Variants in PDE4B observed in about 807,000 individuals in gnomAD.
PDE4B encodes the protein 3',5'-cyclic-AMP phosphodiesterase 4B.
In PDE4B, 20 loss-of-function variants were observed where a neutral mutation model predicts 82.2. The observed-to-expected ratio is 0.24, with a 90% CI of 0.17 to 0.35. PDE4B has a LOEUF of 0.35. Ranked by LOEUF, PDE4B falls within the 10% of genes least tolerant of loss-of-function variation. PDE4B has a pLI of 1.00. For synonymous variants in PDE4B, 320 were observed against 318.9 expected (o/e 1.00, Z -0.04); for missense variants, 655 against 907.2 (o/e 0.72, Z 3.57).
intron 1 of PDE4B, among the ~76,000 whole-genome samples, chr1:65,887,912 G>A (rs1006528111): frequency 3.9e-5 from 6 of 152,146 alleles, no homozygotes; most frequent in Non-Finnish European, 8.8e-5. Context: ...TGTTCACTAA[G>A]TTGATTGTTA....
chr1:66,100,466 G>C (rs1645200402), intron 3 of PDE4B, among the ~76,000 whole-genome samples: 1 of 152,112 alleles, frequency 6.6e-6, no homozygotes, highest in Non-Finnish European at 1.5e-5. Flanking sequence ...ACAATGACTA[G>C]TACATGTAAA....
chr1:66,206,073 G>A (rs1388640111), intron 3 of PDE4B, among the ~76,000 whole-genome samples: 1 of 152,184 alleles, frequency 6.6e-6, no homozygotes, highest in African/African-American at 2.4e-5. Context: ...GAGTGGCGAT[G>A]GAAGTGTGGC....
At chr1:66,042,224 T>C (rs1351085870) in intron 3 of PDE4B, among the ~76,000 whole-genome samples, 1 of 151,832 alleles carries the variant, frequency 6.6e-6, no homozygotes, top group Non-Finnish European at 1.5e-5. Flanking sequence ...GGAAGAAAAG[T>C]GTTTTGATAG....
chr1:65,944,716 G>C (rs1425701053), intron 3 of PDE4B, among the ~76,000 whole-genome samples: 2 of 151,880 alleles, frequency 1.3e-5, no homozygotes, highest in African/African-American at 4.8e-5. Flanking sequence ...AAGCAATTAA[G>C]CATACTGCAG....
chr1:65,876,705 A>T lies in PDE4B; in HGVS notation c.-70-36540A>T, dbSNP rs1028856390. ...GTATATAGAATTATTAATAACTGTT[A>T]CTTATAATCATACAATATGAAATAT... is the stretch of plus-strand genomic sequence containing the variant. On this transcript the variant is annotated intron_variant, in intron 1 of 16. Transcript: ENST00000341517. Among the ~76,000 whole-genome samples, 24 of 152,216 alleles carry T rather than the reference A, an allele frequency of 1.6e-4. 1 individual carries two copies. Among genetic ancestry groups the T allele is most frequent in the Admixed American group, 9.2e-4 (14 of 15,280 alleles).
chr1:65,793,109 C>T lies in PDE4B; in HGVS notation c.-210C>T, dbSNP rs1272086203. On this transcript the variant is annotated 5_prime_UTR_variant, in exon 1 of 17. Transcript: ENST00000341517. ...CGGGCAGACTTTCGTCCCCCACCCC[C>T]GGGAGCGCGGAAGGCTCACTCGCAG... is the stretch of plus-strand genomic sequence containing the variant. The T allele has an allele frequency of 6.6e-6, 1 of 152,106 alleles. No homozygotes were observed. The highest frequency in any genetic ancestry group is 1.5e-5 in the Non-Finnish European group (1 of 68,094). The allele number at this position is 152,106 out of a possible 1,614,324, so 9.4% of individuals were successfully genotyped here. A position where few individuals can be genotyped will look rare whatever the true frequency, so the allele number is the denominator to read the frequency against.
Position 65,929,136 on chromosome 1 carries a change from A to G in PDE4B, c.281+10301A>G, listed in dbSNP as rs576479454. 3.3e-5 allele frequency among the ~76,000 whole-genome samples: 5 copies of G among 152,300 alleles called. No homozygotes were observed. The South Asian group carries it at 1.0e-3, about 32-fold the overall frequency. On this transcript the variant is annotated intron_variant, in intron 3 of 16. Transcript: ENST00000341517. ...ACTTTAGTCTAGTTATAGGTCTAGA[A>G]GCAAACAGGCAGGTTGGGGGTGGCT...
chr1:66,261,345 C>T (rs1654665235), intron 6 of PDE4B, among the ~76,000 whole-genome samples: 1 of 151,942 alleles, frequency 6.6e-6, no homozygotes, highest in South Asian at 2.1e-4. Context: ...GAAAGCATAC[C>T]CCCACCCGAA....
chr1:66,294,529 G>T (rs1325467092), intron 7 of PDE4B, among the ~76,000 whole-genome samples: 2 of 152,108 alleles, frequency 1.3e-5, no homozygotes, highest in East Asian at 3.9e-4. Context: ...AAATAATTTA[G>T]GTAAGAAGTA....
chr1:66,369,066 T>G, intron 16 of PDE4B, 97 bp downstream of exon 16: 4 of 886,162 alleles, frequency 4.5e-6, no homozygotes, highest in South Asian at 4.2e-5. Context: ...AATATGTATA[T>G]ATGAAACAAT....
At chr1:66,353,952 A>T (rs1259589453) in intron 8 of PDE4B, among the ~76,000 whole-genome samples, 5 of 152,194 alleles carry the variant, frequency 3.3e-5, no homozygotes, top group African/African-American at 9.7e-5. Flanking sequence ...ATGCAATCTA[A>T]TATGCATATT....
At chr1:66,083,077 T>A (rs1454558189) in intron 3 of PDE4B, among the ~76,000 whole-genome samples, 1 of 152,166 alleles carries the variant, frequency 6.6e-6, no homozygotes, top group African/African-American at 2.4e-5. Flanking sequence ...ATCCTGCAGT[T>A]TGTTGTTGCT....
At chr1:66,100,209 A>G (rs1333333827) in intron 3 of PDE4B, among the ~76,000 whole-genome samples, 4 of 151,722 alleles carry the variant, frequency 2.6e-5, no homozygotes, top group African/African-American at 4.8e-5. Context: ...GCGCACCACC[A>G]CGCTGACTAG....
intron 3 of PDE4B, among the ~76,000 whole-genome samples, chr1:66,163,487 CATTAT>C (rs1216122439): frequency 2.0e-5 from 3 of 151,820 alleles, no homozygotes; most frequent in African/African-American, 4.8e-5. Context: ...ATTACATAAC[CATTAT>C]ATTATTTTTG....
At position 66,147,492 on chromosome 1, in the gene PDE4B, C is replaced by T. The variant is rs543611697; in HGVS notation, c.282-99968C>T. On this transcript the variant is annotated intron_variant, in intron 3 of 16. Coordinates refer to ENST00000341517, the MANE Select transcript of PDE4B (RefSeq NM_002600.4). ...ACCAGCTACCTTCCACATGCCCACA[C>T]TCACAGTTTCCTCTTAATAAACACA... Among the ~76,000 whole-genome samples, 8 of 152,346 alleles carry T rather than the reference C, an allele frequency of 5.3e-5. No homozygotes were observed. The East Asian group carries it at 9.6e-4, about 18-fold the overall frequency.
chr1:66,339,795 C>CT (rs1170877756), intron 8 of PDE4B, among the ~76,000 whole-genome samples: 2 of 150,090 alleles, frequency 1.3e-5, no homozygotes, highest in Non-Finnish European at 3.0e-5. Context: ...TTTTTTAATA[C>CT]TTTTTTCTCA....
rs1570804302 is a variant in PDE4B at position 66,372,560 on chromosome 1, G to A, written c.2093G>A (p.Gly698Glu). Residue 698 changes from glycine to glutamate, a missense_variant, in exon 17 of 17, where the codon GGA becomes GAA. Gly to Glu is a moderately conservative substitution (Grantham distance 98). Transcript: ENST00000341517. The stretch of plus-strand genomic sequence containing the variant: ...GAAGGACCTGAGAAGGAGGGAGAGG[G>A]ACACAGCTATTTCAGCAGCACAAAG... ...DSEGPEKEGE[G>E]HSYFSSTKTL... 1 of 1,614,174 alleles carries A rather than the reference G, an allele frequency of 6.2e-7. No individual in the cohort carries two copies. The highest frequency in any genetic ancestry group is 8.5e-7 in the Non-Finnish European group (1 of 1,180,014).
intron 3 of PDE4B, among the ~76,000 whole-genome samples, chr1:66,200,673 T>C (rs1355187031): frequency 6.6e-6 from 1 of 152,198 alleles, no homozygotes; most frequent in Admixed American, 6.5e-5. Flanking sequence ...ATAAGAATGC[T>C]TGTGATTTTT....
At chr1:65,983,599 G>T (rs918889512) in intron 3 of PDE4B, among the ~76,000 whole-genome samples, 2 of 152,124 alleles carry the variant, frequency 1.3e-5, no homozygotes, top group Non-Finnish European at 2.9e-5. Context: ...AGCATAAAGG[G>T]AAAGCCATGT....
Sources: allele counts gnomAD v4.1 joint callset (sites outside exome capture counted in the v4.1 genomes callset), GRCh38; gene constraint gnomAD v4.1.1; transcripts MANE v1.5; gene names NCBI Gene and HGNC (gene_info 2026-07-23, HGNC 2026-07-21).